Variants in NLGN1 observed in about 807,000 individuals in gnomAD.
NLGN1 encodes the protein neuroligin 1.
In NLGN1, 12 loss-of-function variants were observed where a neutral mutation model predicts 65.5. The ratio of observed to expected loss-of-function variants is 0.18; its 90% CI spans 0.12 to 0.30. The LOEUF is 0.30. Ranked by LOEUF, NLGN1 falls within the 10% of genes least tolerant of loss-of-function variation. The pLI, the probability that NLGN1 is intolerant of heterozygous loss-of-function variation, is 1.00. For synonymous variants in NLGN1, 350 were observed against 359.5 expected (o/e 0.97, Z 0.30); for missense variants, 750 against 1,007.1 (o/e 0.74, Z 3.46).
At chr3:173,579,520 A>G (rs1746054922) in intron 2 of NLGN1, among the ~76,000 whole-genome samples, 1 of 152,216 alleles carries the variant, frequency 6.6e-6, no homozygotes, top group Non-Finnish European at 1.5e-5. Context: ...CTTGATCATC[A>G]CTTCCTTAGT....
At chr3:174,088,152 CT>C in intron 4 of NLGN1, among the ~76,000 whole-genome samples, 1 of 152,218 alleles carries the variant, frequency 6.6e-6, no homozygotes, top group South Asian at 2.1e-4. Context: ...TGCTTCAAAA[CT>C]TATTTTGTAT....
intron 4 of NLGN1, among the ~76,000 whole-genome samples, chr3:173,978,624 A>C (rs1718050018): frequency 6.6e-6 from 1 of 151,870 alleles, no homozygotes; most frequent in African/African-American, 2.4e-5. Flanking sequence ...AATCAAAAGA[A>C]TGTGATGTCA....
intron 4 of NLGN1, among the ~76,000 whole-genome samples, chr3:173,996,171 C>T (rs1043029018): frequency 1.3e-5 from 2 of 152,082 alleles, no homozygotes; most frequent in African/African-American, 4.8e-5. Context: ...ACTCCTAATT[C>T]CTGCTTCTAT....
At chr3:174,278,027 G>A (rs1424931963) in intron 5 of NLGN1, among the ~76,000 whole-genome samples, 1 of 151,958 alleles carries the variant, frequency 6.6e-6, no homozygotes, top group Non-Finnish European at 1.5e-5. Flanking sequence ...ATGACATGCA[G>A]CACTTAACTG....
intron 2 of NLGN1, chr3:173,584,847 T>C (rs1249578140): frequency 6.6e-6 from 1 of 151,336 alleles, no homozygotes; most frequent in Non-Finnish European, 1.5e-5. Flanking sequence ...AAAGGAAGCG[T>C]CTTGAATCCT....
intron 3 of NLGN1, among the ~76,000 whole-genome samples, chr3:173,650,725 A>G (rs1484063273): frequency 6.6e-6 from 1 of 152,170 alleles, no homozygotes; most frequent in Non-Finnish European, 1.5e-5. Flanking sequence ...TATGTTTTCA[A>G]CAGTGAACTG....
At chr3:174,087,463 C>A (rs1156796727) in intron 4 of NLGN1, among the ~76,000 whole-genome samples, 4 of 152,004 alleles carry the variant, frequency 2.6e-5, no homozygotes, top group Non-Finnish European at 5.9e-5. Flanking sequence ...ATGAAAAGTG[C>A]TTTTATTATT....
intron 3 of NLGN1, among the ~76,000 whole-genome samples, chr3:173,746,506 T>A (rs187863592): frequency 6.6e-6 from 1 of 152,126 alleles, no homozygotes; most frequent in Non-Finnish European, 1.5e-5. Context: ...CTAGCTTGTA[T>A]CAGGACTTCC....
At chr3:173,776,012 T>C (rs1277742231) in intron 3 of NLGN1, among the ~76,000 whole-genome samples, 1 of 152,128 alleles carries the variant, frequency 6.6e-6, no homozygotes, top group African/African-American at 2.4e-5. Flanking sequence ...CTTTCTACTA[T>C]CAACATTAGC....
intron 4 of NLGN1, among the ~76,000 whole-genome samples, chr3:173,849,312 A>G (rs1015941245): frequency 6.6e-6 from 1 of 152,042 alleles, no homozygotes; most frequent in Non-Finnish European, 1.5e-5. Flanking sequence ...TTCTGTCTCT[A>G]CTGAACTTTA....
intron 4 of NLGN1, among the ~76,000 whole-genome samples, chr3:174,256,692 A>T (rs922805072): frequency 6.6e-6 from 1 of 152,164 alleles, no homozygotes; most frequent in African/African-American, 2.4e-5. Context: ...AAACTTAGGA[A>T]TAAGCTTCAG....
At position 174,133,055 on chromosome 3, in the gene NLGN1, A is replaced by G. The variant is rs976437738; in HGVS notation, c.647-142260A>G. ...AACTAAAAATGATCAGTTATAGATCATCTCTCTATAGTGCCTTTTGGTTCT... is the reference window on the plus strand; with the variant it reads ...AACTAAAAATGATCAGTTATAGATCGTCTCTCTATAGTGCCTTTTGGTTCT... On this transcript the variant is annotated intron_variant, in intron 4 of 6. Coordinates refer to ENST00000457714, the Ensembl canonical transcript of NLGN1. Among the ~76,000 whole-genome samples the G allele has an allele frequency of 2.6e-5, 4 of 152,202 alleles. No homozygotes were observed. In the East Asian group the frequency reaches 7.7e-4, roughly 29 times the overall value.
At chr3:173,516,562 G>C (rs1266786993) in intron 2 of NLGN1, among the ~76,000 whole-genome samples, 1 of 151,944 alleles carries the variant, frequency 6.6e-6, no homozygotes, top group East Asian at 1.9e-4. Flanking sequence ...CTTTGACATA[G>C]ATGCCAATAA....
At chr3:174,056,288 A>G (rs562370606) in intron 4 of NLGN1, among the ~76,000 whole-genome samples, 1 of 151,998 alleles carries the variant, frequency 6.6e-6, no homozygotes, top group South Asian at 2.1e-4. Context: ...TTTGTTTCTT[A>G]CTTTATTGTT....
chr3:173,974,918 CTT>C (rs1216002795), intron 4 of NLGN1, among the ~76,000 whole-genome samples: 1 of 152,002 alleles, frequency 6.6e-6, no homozygotes, highest in African/African-American at 2.4e-5. Context: ...TCAAGTCTTA[CTT>C]TGATTCAAGA....
intron 4 of NLGN1, among the ~76,000 whole-genome samples, chr3:173,970,210 G>C (rs899114458): frequency 2.0e-5 from 3 of 152,138 alleles, no homozygotes; most frequent in African/African-American, 7.2e-5. Flanking sequence ...AGTCCTTGTT[G>C]CTAAAGACTA....
At chr3:174,000,948 C>T (rs1330845546) in intron 4 of NLGN1, among the ~76,000 whole-genome samples, 1 of 152,044 alleles carries the variant, frequency 6.6e-6, no homozygotes, top group Non-Finnish European at 1.5e-5. Context: ...TCCCGGGAGC[C>T]CAGTCAAGGA....
chr3:173,625,409 G>C (rs1207021119), intron 3 of NLGN1, among the ~76,000 whole-genome samples: 4 of 152,100 alleles, frequency 2.6e-5, no homozygotes, highest in Admixed American at 2.6e-4. Context: ...GCTGAATAAA[G>C]AAATTTAGGT....
At chr3:173,681,788 A>G (rs1420196737) in intron 3 of NLGN1, among the ~76,000 whole-genome samples, 1 of 152,198 alleles carries the variant, frequency 6.6e-6, no homozygotes, top group Admixed American at 6.5e-5. Flanking sequence ...CAGGGATATT[A>G]TCAAATTGAA....
Sources: gnomAD v4.1 joint callset for allele counts (sites outside exome capture counted in the v4.1 genomes callset) on GRCh38, gnomAD v4.1.1 for gene constraint, MANE v1.5 for transcripts, NCBI Gene and HGNC (gene_info 2026-07-23, HGNC 2026-07-21) for gene names.